Variants in DLGAP2 observed in about 807,000 individuals in gnomAD.
DLGAP2 encodes the protein disks large-associated protein 2.
DLGAP2 carries 26 observed loss-of-function variants against 100.3 expected under a neutral mutation model. The observed-to-expected ratio is 0.26, with a 90% CI of 0.19 to 0.36. DLGAP2 has a LOEUF of 0.36. Ranked by LOEUF, DLGAP2 falls within the 10% of genes least tolerant of loss-of-function variation. The pLI, the probability that DLGAP2 is intolerant of heterozygous loss-of-function variation, is 1.00. For synonymous variants in DLGAP2, 886 were observed against 630.1 expected, an observed-to-expected ratio of 1.41 and a Z score of -6.08; for missense variants, 1,858 against 1,453.2, an observed-to-expected ratio of 1.28 and a Z score of -4.53.
chr8:1,273,159 G>T (rs137914265), intron 3 of DLGAP2, among the ~76,000 whole-genome samples: 1 of 152,302 alleles, frequency 6.6e-6, no homozygotes, highest in East Asian at 1.9e-4. Context: ...TCTCTGGAAG[G>T]TGTTTGTCTG....
chr8:1,028,227 G>A (rs546626675), intron 2 of DLGAP2, among the ~76,000 whole-genome samples: 21 of 139,602 alleles, frequency 1.5e-4, no homozygotes, highest in African/African-American at 5.0e-4. Context: ...GGTGTCAGGC[G>A]CCCGTTATTC....
At chr8:762,241 A>C (rs536452645) in intron 1 of DLGAP2, among the ~76,000 whole-genome samples, 2 of 151,072 alleles carry the variant, frequency 1.3e-5, no homozygotes, top group East Asian at 4.2e-4. Flanking sequence ...TCTTACCATG[A>C]AGTGGTAGCA....
intron 1 of DLGAP2, among the ~76,000 whole-genome samples, chr8:778,116 C>G (rs1184684936): frequency 2.0e-5 from 3 of 152,202 alleles, no homozygotes; most frequent in Admixed American, 2.0e-4. Context: ...CCGCTGATAC[C>G]CTTTCTTCCA....
intron 5 of DLGAP2, among the ~76,000 whole-genome samples, chr8:1,556,701 A>C (rs1317507530): frequency 6.6e-6 from 1 of 152,206 alleles, no homozygotes; most frequent in Admixed American, 6.5e-5. Context: ...AATGGAATCA[A>C]GTTTGTCCTT....
At position 1,225,037 on chromosome 8, in the gene DLGAP2, T is replaced by G. The variant is rs184751597; in HGVS notation, c.74-33814T>G. Among the ~76,000 whole-genome samples, 237 of 152,326 alleles carry G rather than the reference T, an allele frequency of 1.6e-3. 1 individual carries two copies. Among genetic ancestry groups the G allele is most frequent in the African/African-American group, 5.6e-3 (231 of 41,574 alleles). On this transcript the variant is annotated intron_variant, in intron 2 of 14. Transcript: ENST00000637795. ...GCCATTGTGGAAAAGAGTTTAAGTT[T>G]TCACTATCCACAAAAACTTAAAATG... is the stretch of plus-strand genomic sequence containing the variant.
rs142126936 is a variant in DLGAP2, at chr8:1,185,650, T to C, written c.74-73201T>C. Among the ~76,000 whole-genome samples the C allele has an allele frequency of 3.1e-3, 470 of 151,800 alleles. 1 individual carries two copies. Among genetic ancestry groups the C allele is most frequent in the African/African-American group, 0.011 (449 of 41,336 alleles). On this transcript the variant is annotated intron_variant, in intron 2 of 14. Coordinates refer to ENST00000637795, the MANE Select transcript of DLGAP2 (RefSeq NM_001346810.2). ...AAGGACCACACAATTCCAAAAGCAG[T>C]AGAAACCAAGGCTAGTGGAAGAACA... is the stretch of plus-strand genomic sequence containing the variant.
chr8:1,432,958 G>T (rs537659503), intron 3 of DLGAP2, among the ~76,000 whole-genome samples: 1 of 152,138 alleles, frequency 6.6e-6, no homozygotes, highest in Non-Finnish European at 1.5e-5. Flanking sequence ...CCCAGGGCCC[G>T]CTGTGCTGCT....
rs1407656871 is a variant in DLGAP2 at position 973,340 on chromosome 8, C to T, written c.73+65374C>T. ...ACAGGGCGGCTGCCGGGCGGAGACG[C>T]TCCTCACTTCCCAGACGGGGTGGCT... On this transcript the variant is annotated intron_variant, in intron 2 of 14. Coordinates refer to ENST00000637795, the MANE Select transcript of DLGAP2 (RefSeq NM_001346810.2). 5.3e-5 allele frequency among the ~76,000 whole-genome samples: 8 copies of T among 151,794 alleles called. No homozygotes were observed. In the South Asian group the frequency reaches 6.3e-4, roughly 12 times the overall value.
At chr8:1,127,363 C>T (rs1796191559) in intron 2 of DLGAP2, among the ~76,000 whole-genome samples, 1 of 152,018 alleles carries the variant, frequency 6.6e-6, no homozygotes, top group Admixed American at 6.5e-5. Flanking sequence ...GAGCCATGGG[C>T]CCCAGGTCTG....
At position 1,478,766 on chromosome 8, in the gene DLGAP2, A is replaced by T. The variant is rs139214337; in HGVS notation, c.107-22600A>T. 2.1e-3 allele frequency among the ~76,000 whole-genome samples: 313 copies of T among 152,286 alleles called. 4 individuals carry two copies. Among genetic ancestry groups the T allele is most frequent in the African/African-American group, 7.2e-3 (298 of 41,572 alleles). ...CCACCAGTCGGCTCCTCAGTATGAG[A>T]GGTGCATGTTGCTGGGAATGCCGGA... On this transcript the variant is annotated intron_variant, in intron 3 of 14. Transcript: ENST00000637795.
At chr8:758,478 T>C (rs149476844) in intron 1 of DLGAP2, among the ~76,000 whole-genome samples, 3 of 152,208 alleles carry the variant, frequency 2.0e-5, no homozygotes, top group African/African-American at 4.8e-5. Flanking sequence ...GGAGCTACAA[T>C]TGAAAAGCAA....
chr8:1,459,118 A>G (rs1454601329), intron 3 of DLGAP2, among the ~76,000 whole-genome samples: 1 of 145,470 alleles, frequency 6.9e-6, no homozygotes, highest in Non-Finnish European at 1.5e-5. Flanking sequence ...CAGCTGGTTT[A>G]CATGCGTAGA....
intron 1 of DLGAP2, among the ~76,000 whole-genome samples, chr8:860,455 A>T (rs58427647): frequency 2.0e-5 from 3 of 152,180 alleles, no homozygotes; most frequent in African/African-American, 7.2e-5. Context: ...TTCTGTCCCA[A>T]TGGAATGAAT....
At chr8:890,803 C>G (rs1798019380) in intron 1 of DLGAP2, among the ~76,000 whole-genome samples, 1 of 152,166 alleles carries the variant, frequency 6.6e-6, no homozygotes, top group African/African-American at 2.4e-5. Flanking sequence ...CAAACCTCCC[C>G]TCTGTGCCCA....
intron 2 of DLGAP2, among the ~76,000 whole-genome samples, chr8:1,202,066 T>C (rs2116761127): frequency 6.6e-6 from 1 of 152,238 alleles, no homozygotes; most frequent in African/African-American, 2.4e-5. Context: ...GATGTGTGTG[T>C]ATGTGTACGC....
At chr8:1,025,568 G>C (rs1801773834) in intron 2 of DLGAP2, among the ~76,000 whole-genome samples, 2 of 152,192 alleles carry the variant, frequency 1.3e-5, no homozygotes, top group African/African-American at 2.4e-5. Flanking sequence ...ATATGGCGGA[G>C]AGCAGCTGTG....
At chr8:1,296,680 C>G (rs1463669243) in intron 3 of DLGAP2, among the ~76,000 whole-genome samples, 3 of 152,220 alleles carry the variant, frequency 2.0e-5, no homozygotes, top group Non-Finnish European at 4.4e-5. Flanking sequence ...GAGAACACAG[C>G]CCTTTCCTCC....
intron 2 of DLGAP2, among the ~76,000 whole-genome samples, chr8:1,245,045 A>G (rs1368706232): frequency 6.6e-6 from 1 of 152,178 alleles, no homozygotes; most frequent in African/African-American, 2.4e-5. Context: ...ACAATGAGAC[A>G]CCATTGCCCA....
At chr8:1,391,163 A>G (rs1457821720) in intron 3 of DLGAP2, among the ~76,000 whole-genome samples, 1 of 152,244 alleles carries the variant, frequency 6.6e-6, no homozygotes, top group African/African-American at 2.4e-5. Flanking sequence ...CCGGTTGGCT[A>G]GATGGGAATT....
Sources: gnomAD v4.1 joint callset for allele counts (sites outside exome capture counted in the v4.1 genomes callset) on GRCh38, gnomAD v4.1.1 for gene constraint, MANE v1.5 for transcripts, NCBI Gene and HGNC (gene_info 2026-07-23, HGNC 2026-07-21) for gene names.